RSF1: variants seen among roughly 807,000 people sequenced by gnomAD.
RSF1 encodes the protein remodeling and spacing factor 1.
A neutral mutation model predicts 145.2 loss-of-function variants in RSF1; 13 were observed. The ratio of observed to expected loss-of-function variants is 0.09; its 90% CI spans 0.06 to 0.14. RSF1 has a LOEUF of 0.14. Among genes scored for constraint, RSF1 ranks in the 10% least tolerant of loss-of-function variants. The probability of loss-of-function intolerance (pLI) is 1.00; values close to 1 mark genes in which losing one functional copy is unlikely to be tolerated. For synonymous variants in RSF1, 577 were observed against 592.6 expected (o/e 0.97, Z 0.38); for missense variants, 1,517 against 1,718.2 (o/e 0.88, Z 2.07).
intron 13 of RSF1, among the ~76,000 whole-genome samples, chr11:77,675,811 T>C (rs1481540010): frequency 6.6e-6 from 1 of 152,256 alleles, no homozygotes; most frequent in Non-Finnish European, 1.5e-5. Context: ...CCCCTCAATC[T>C]ATCCTCCAAA....
the RSF1 span, chr11:77,850,790 ACACAC>A: frequency 1.7e-4 from 2 of 11,954 alleles, no homozygotes; most frequent in African/African-American, 2.0e-3. Context: ...ACACATACAC[ACACAC>A]ACACACACAC....
At chr11:77,703,123 A>G (rs925750847) in intron 5 of RSF1, 1 of 152,196 alleles carries the variant, frequency 6.6e-6, no homozygotes, top group African/African-American at 2.4e-5. Context: ...CTTTTATAAA[A>G]ATTGAGTTTA....
At chr11:77,683,609 G>A in intron 11 of RSF1, 101 bp downstream of exon 11, 1 of 703,548 alleles carries the variant, frequency 1.4e-6, no homozygotes, top group Non-Finnish European at 2.4e-6. Context: ...ATATACAACT[G>A]CAATAATCAG....
intron 15 of RSF1, among the ~76,000 whole-genome samples, chr11:77,671,012 A>C (rs1247296565): frequency 1.4e-5 from 2 of 143,890 alleles, no homozygotes; most frequent in Non-Finnish European, 3.0e-5. Flanking sequence ...AGGCTGAGCC[A>C]GGAGAATCGT....
At chr11:77,830,415 C>T in the RSF1 span, among the ~76,000 whole-genome samples, 8 of 152,184 alleles carry the variant, frequency 5.3e-5, no homozygotes, top group East Asian at 1.5e-3. Context: ...AGAAATCTAG[C>T]GCCTATTGTT....
intron 8 of RSF1, among the ~76,000 whole-genome samples, chr11:77,692,583 T>C (rs927336506): frequency 6.6e-6 from 1 of 151,680 alleles, no homozygotes; most frequent in African/African-American, 2.4e-5. Flanking sequence ...CTTGCTATGC[T>C]GCCCAGGGTG....
upstream of RSF1, chr11:77,820,845 A>C: frequency 1.1e-6 from 1 of 926,396 alleles, no homozygotes; most frequent in Non-Finnish European, 1.6e-6. Context: ...CCAGCGTCTC[A>C]GGGACGGCTC....
chr11:77,863,069 C>G, the RSF1 span, among the ~76,000 whole-genome samples: 1 of 152,052 alleles, frequency 6.6e-6, no homozygotes, highest in Non-Finnish European at 1.5e-5. Context: ...GTTCTCTGAC[C>G]AAGGGTGCTT....
chr11:77,669,448 T>C (rs12418734), intron 15 of RSF1, among the ~76,000 whole-genome samples: 19,713 of 152,268 alleles, frequency 0.13, 1,465 homozygotes, highest in Admixed American at 0.2. Flanking sequence ...TTGGCCCAAA[T>C]GTTTCTCACC....
chr11:77,687,014 G>C (rs1355830039), intron 9 of RSF1, among the ~76,000 whole-genome samples: 1 of 152,190 alleles, frequency 6.6e-6, no homozygotes, highest in Non-Finnish European at 1.5e-5. Flanking sequence ...CTGCTAGGAT[G>C]AATGCTAATA....
chr11:77,861,368 A>T, the RSF1 span, among the ~76,000 whole-genome samples: 1 of 152,224 alleles, frequency 6.6e-6, no homozygotes, highest in African/African-American at 2.4e-5. Flanking sequence ...CCCCTTGGAT[A>T]GTGACAGATC....
chr11:77,864,030 G>A, the RSF1 span, among the ~76,000 whole-genome samples: 1 of 150,616 alleles, frequency 6.6e-6, no homozygotes, highest in East Asian at 2.0e-4. Context: ...ATGTTTAAGC[G>A]ATTCTCCTGC....
intron 1 of RSF1, among the ~76,000 whole-genome samples, chr11:77,782,470 G>A (rs906363356): frequency 1.3e-5 from 2 of 152,084 alleles, no homozygotes; most frequent in Non-Finnish European, 2.9e-5. Context: ...AAATCCAGGA[G>A]GTGGAAGTTG....
chr11:77,679,659 C>T lies in RSF1; in HGVS notation c.3066-1506G>A, dbSNP rs534958284. 2.6e-3 allele frequency among the ~76,000 whole-genome samples: 382 copies of T among 146,388 alleles called. 5 individuals carry two copies. The highest frequency in any genetic ancestry group is 9.2e-3 in the African/African-American group (362 of 39,202). On this transcript the variant is annotated intron_variant, in intron 11 of 15. Transcript: ENST00000308488. ...CTGCACTCCAGCCTGGGGGACAGAG[C>T]GAGACCCTGTCTCAAAAAAAAAAAA... is the stretch of plus-strand genomic sequence containing the variant.
At chr11:77,793,350 T>C (rs1452502306) in intron 1 of RSF1, among the ~76,000 whole-genome samples, 5 of 152,140 alleles carry the variant, frequency 3.3e-5, no homozygotes, top group Non-Finnish European at 5.9e-5. Context: ...CCAGGCGTGG[T>C]GGCCTGCACC....
At chr11:77,806,088 C>G (rs184218364) in intron 1 of RSF1, among the ~76,000 whole-genome samples, 82 of 152,276 alleles carry the variant, frequency 5.4e-4, no homozygotes, top group African/African-American at 1.9e-3. Flanking sequence ...CAACCTCCAA[C>G]TGGTTTCCCT....
chr11:77,675,105 T>G lies in RSF1; in HGVS notation c.3493A>C (p.Lys1165Gln), dbSNP rs1202599557. The change falls in exon 14 of 16, where the codon AAG (lysine) becomes CAG (glutamine). Residue 1165 changes from lysine (K) to glutamine (Q), a missense_variant. By Grantham distance (53) the Lys-to-Gln change is moderately conservative. Transcript: ENST00000308488. ...PMRQSRRLRR[K>Q]TPKKKYSDDD... ...TCGGAATATTTTTTCTTTGGGGTCT[T>G]TCTTCGCAAACGCCTGCTCTGCCTC... is the stretch of plus-strand genomic sequence containing the variant. 3 of 1,614,046 alleles carry G rather than the reference T, an allele frequency of 1.9e-6. No individual in the cohort carries two copies. The highest frequency in any genetic ancestry group is 2.5e-6 in the Non-Finnish European group (3 of 1,180,032).
the RSF1 span, among the ~76,000 whole-genome samples, chr11:77,853,814 C>T: frequency 6.6e-6 from 1 of 151,518 alleles, no homozygotes; most frequent in East Asian, 2.0e-4. Flanking sequence ...GGTGGTGCAC[C>T]CCTGTAATCC....
intron 5 of RSF1, among the ~76,000 whole-genome samples, chr11:77,713,348 C>G (rs1044425511): frequency 6.6e-6 from 1 of 152,086 alleles, no homozygotes; most frequent in African/African-American, 2.4e-5. Context: ...TTTCTCCCCC[C>G]GAGAGTCTCT....
Sources: allele counts gnomAD v4.1 joint callset (sites outside exome capture counted in the v4.1 genomes callset), GRCh38; gene constraint gnomAD v4.1.1; transcripts MANE v1.5; gene names NCBI Gene and HGNC (gene_info 2026-07-23, HGNC 2026-07-21).